The following NETO1 variants were observed in gnomAD, a reference collection of about 807,000 sequenced individuals.
The protein encoded by NETO1 is neuropilin and tolloid-like protein 1.
A neutral mutation model predicts 61.3 loss-of-function variants in NETO1; 26 were observed. That is an observed-to-expected ratio of 0.42 (90% CI 0.31 to 0.59). The LOEUF is 0.59. Ranked by LOEUF, NETO1 falls within the 20% of genes least tolerant of loss-of-function variation. The pLI, the probability that NETO1 is intolerant of heterozygous loss-of-function variation, is 0.12. For missense variants in NETO1, 531 were observed against 662.8 expected (o/e 0.80, Z 2.18); for synonymous variants, 225 against 225.8 (o/e 1.00, Z 0.03).
chr18:72,780,589 A>G (rs1464234838), intron 7 of NETO1, among the ~76,000 whole-genome samples: 1 of 152,156 alleles, frequency 6.6e-6, no homozygotes, highest in Non-Finnish European at 1.5e-5. Flanking sequence ...CCAGATAATA[A>G]TCCATTTTCA....
At chr18:72,804,263 C>T (rs998351353) in intron 4 of NETO1, among the ~76,000 whole-genome samples, 3 of 152,210 alleles carry the variant, frequency 2.0e-5, no homozygotes, top group African/African-American at 4.8e-5. Context: ...AGCTGCAGAA[C>T]GTCTGCCCCG....
chr18:72,750,189 T>C lies in NETO1; in HGVS notation c.1414A>G (p.Arg472Gly), dbSNP rs2070546571. ...PGKPLIPPMN[R>G]RNILVMKHSY... ...TGTTTCATGACAAGGATATTTCTTCTGTTCATGGGTGGGATGAGGGGTTTT... is the reference window on the plus strand; with the variant it reads ...TGTTTCATGACAAGGATATTTCTTCCGTTCATGGGTGGGATGAGGGGTTTT... Residue 472 changes from arginine to glycine, a missense_variant, in exon 9 of 11, where the codon AGA (arginine) becomes GGA (glycine). Transcript: ENST00000327305. 1 of 1,614,096 alleles carries C rather than the reference T, an allele frequency of 6.2e-7. No individual in the cohort carries two copies. The highest frequency in any genetic ancestry group is 8.5e-7 in the Non-Finnish European group (1 of 1,179,966).
chr18:72,761,146 G>A (rs1599108907), intron 7 of NETO1, among the ~76,000 whole-genome samples: 1 of 144,490 alleles, frequency 6.9e-6, no homozygotes, highest in African/African-American at 2.9e-5. Context: ...TGATATAAAC[G>A]TGACTTAACT....
intron 6 of NETO1, among the ~76,000 whole-genome samples, chr18:72,792,345 G>A (rs1470577862): frequency 6.6e-6 from 1 of 152,048 alleles, no homozygotes; most frequent in African/African-American, 2.4e-5. Context: ...GCTTGAGGTG[G>A]GAGGTGGAGG....
intron 1 of NETO1, among the ~76,000 whole-genome samples, chr18:72,866,143 A>AT (rs1265199482): frequency 2.6e-5 from 4 of 152,014 alleles, no homozygotes; most frequent in African/African-American, 7.2e-5. Context: ...TTTTTCTTCT[A>AT]TTTTTTCTTA....
At chr18:72,823,468 AG>A (rs1568229387) in intron 4 of NETO1, among the ~76,000 whole-genome samples, 1 of 152,064 alleles carries the variant, frequency 6.6e-6, no homozygotes, top group Non-Finnish European at 1.5e-5. Flanking sequence ...CCTGAGAACA[AG>A]GGGAAGAGTT....
intron 4 of NETO1, among the ~76,000 whole-genome samples, chr18:72,840,950 C>T (rs1368467774): frequency 1.3e-5 from 2 of 152,180 alleles, no homozygotes; most frequent in Non-Finnish European, 2.9e-5. Flanking sequence ...TAGTCTTGAG[C>T]ACTCTTCTAC....
chr18:72,837,010 A>G lies in NETO1; in HGVS notation c.469+21816T>C, dbSNP rs147373833. Among the ~76,000 whole-genome samples the G allele has an allele frequency of 3.5e-3, 531 of 152,308 alleles. 4 individuals carry two copies. Among genetic ancestry groups the G allele is most frequent in the African/African-American group, 0.012 (498 of 41,552 alleles). The stretch of plus-strand genomic sequence containing the variant: ...GAATCCGTGATTGACTGAAGATAGA[A>G]GGAAAAGGATAAGTCAAATATGTCT... On this transcript the variant is annotated intron_variant, in intron 4 of 10. Transcript: ENST00000327305.
At chr18:72,827,380 A>G (rs529829490) in intron 4 of NETO1, among the ~76,000 whole-genome samples, 1 of 152,120 alleles carries the variant, frequency 6.6e-6, no homozygotes, top group Non-Finnish European at 1.5e-5. Flanking sequence ...AGCCCCAAAC[A>G]ACCATATGGC....
At chr18:72,772,823 CTCTATATATATATATATATA>C (rs1420570893) in intron 7 of NETO1, among the ~76,000 whole-genome samples, 153 of 38,798 alleles carry the variant, frequency 3.9e-3, no homozygotes, top group African/African-American at 0.016. Flanking sequence ...CTCTCTCTCT[CTCTATATATATATATATATA>C]TATATATATA....
At chr18:72,824,238 G>A (rs2073302834) in intron 4 of NETO1, among the ~76,000 whole-genome samples, 2 of 152,258 alleles carry the variant, frequency 1.3e-5, no homozygotes, top group South Asian at 4.1e-4. Context: ...GGTACTTATC[G>A]AATAATTACT....
intron 8 of NETO1, among the ~76,000 whole-genome samples, chr18:72,754,090 T>C (rs2070710232): frequency 6.6e-6 from 1 of 152,122 alleles, no homozygotes; most frequent in South Asian, 2.1e-4. Flanking sequence ...GGAAGAATGT[T>C]TCTATGTCTC....
intron 4 of NETO1, among the ~76,000 whole-genome samples, chr18:72,835,759 G>A (rs1833769110): frequency 6.6e-6 from 1 of 152,158 alleles, no homozygotes; most frequent in African/African-American, 2.4e-5. Flanking sequence ...AGTAACTGTA[G>A]AAATAAATGG....
intron 7 of NETO1, among the ~76,000 whole-genome samples, chr18:72,772,121 G>A (rs1239250383): frequency 6.6e-6 from 1 of 152,172 alleles, no homozygotes; most frequent in Non-Finnish European, 1.5e-5. Context: ...GACATTCTCA[G>A]CTTCTAAAGA....
In NETO1 at chr18:72,744,020, G is replaced by A. The variant is rs2070380370; in HGVS notation, c.*4159C>T. The A allele has an allele frequency of 6.6e-6, 1 of 152,128 alleles. No homozygotes were observed. The highest frequency in any genetic ancestry group is 6.5e-5 in the Admixed American group (1 of 15,270). 9.4% of individuals were successfully genotyped at this position (152,128 alleles called of 1,614,324 possible). Reference sequence around the variant, plus strand: ...GATCATACTGTTTCAGGAATAAGGAGATTCTGGAAACCAACCCAAGTAAAT... The same window carrying A: ...GATCATACTGTTTCAGGAATAAGGAAATTCTGGAAACCAACCCAAGTAAAT... On this transcript the variant is annotated 3_prime_UTR_variant, in exon 11 of 11. Transcript: ENST00000327305.
chr18:72,832,483 T>C (rs1292958027), intron 4 of NETO1, among the ~76,000 whole-genome samples: 1 of 152,202 alleles, frequency 6.6e-6, no homozygotes, highest in Non-Finnish European at 1.5e-5. Context: ...TTCTAAATAA[T>C]ACTTCAAAAG....
In NETO1 at chr18:72,863,814, G is replaced by T. The variant is rs952900730; in HGVS notation, c.220+994C>A. Among the ~76,000 whole-genome samples the T allele has an allele frequency of 7.2e-5, 11 of 152,174 alleles. No individual in the cohort carries two copies. The East Asian group carries it at 1.5e-3, about 21-fold the overall frequency. ...GACAGTCTTGCCTGTGTGTGTGTGTGGGGGGAAGGTGGGTGCTTCCAGGTT... is the reference window on the plus strand; with the variant it reads ...GACAGTCTTGCCTGTGTGTGTGTGTTGGGGGAAGGTGGGTGCTTCCAGGTT... On this transcript the variant is annotated intron_variant, in intron 3 of 10. Transcript: ENST00000327305.
chr18:72,794,873 A>G (rs1349652907), intron 4 of NETO1, among the ~76,000 whole-genome samples: 1 of 152,224 alleles, frequency 6.6e-6, no homozygotes, highest in African/African-American at 2.4e-5. Flanking sequence ...GTGTAGTAAC[A>G]CAGTTTTTAA....
intron 4 of NETO1, among the ~76,000 whole-genome samples, chr18:72,805,756 T>C (rs1397200758): frequency 6.6e-6 from 1 of 152,190 alleles, no homozygotes; most frequent in African/African-American, 2.4e-5. Context: ...CTGTCTGGAC[T>C]CTCCATGTGG....
Sources: allele counts gnomAD v4.1 joint callset (sites outside exome capture counted in the v4.1 genomes callset), GRCh38; gene constraint gnomAD v4.1.1; transcripts MANE v1.5; gene names NCBI Gene and HGNC (gene_info 2026-07-23, HGNC 2026-07-21).